Variants in SEC31A observed in about 807,000 individuals in gnomAD.
The protein encoded by SEC31A is protein transport protein Sec31A.
A neutral mutation model predicts 151.0 loss-of-function variants in SEC31A; 70 were observed. The ratio of observed to expected loss-of-function variants is 0.46; its 90% CI spans 0.38 to 0.57. The LOEUF (loss-of-function observed/expected upper bound fraction) is 0.57. SEC31A is among the 20% of genes least tolerant of loss of function. The pLI is 0.00. For synonymous variants in SEC31A, 475 were observed against 505.9 expected, an observed-to-expected ratio of 0.94 and a Z score of 0.82; for missense variants, 1,330 against 1,471.2, an observed-to-expected ratio of 0.90 and a Z score of 1.57.
intron 21 of SEC31A, among the ~76,000 whole-genome samples, chr4:82,843,172 CCAAACTGGAGTG>C (rs1729304715): frequency 6.6e-6 from 1 of 151,392 alleles, no homozygotes; most frequent in Admixed American, 6.6e-5. Context: ...GCTGTGTCAC[CCAAACTGGAGTG>C]CAATGGTGTG....
chr4:82,873,301 T>C (rs1440583863), intron 6 of SEC31A, among the ~76,000 whole-genome samples: 1 of 150,222 alleles, frequency 6.7e-6, no homozygotes, highest in Non-Finnish European at 1.5e-5. Context: ...GAGGTTGCAG[T>C]GCCATGATTG....
intron 20 of SEC31A, 61 bp downstream of exon 20, chr4:82,848,743 A>C: frequency 6.8e-7 from 1 of 1,471,246 alleles, no homozygotes; most frequent in South Asian, 1.3e-5. Context: ...AACAAATGAA[A>C]ACCACCAATT....
At chr4:82,898,409 T>C (rs1228293422) in intron 3 of SEC31A, among the ~76,000 whole-genome samples, 2 of 152,188 alleles carry the variant, frequency 1.3e-5, no homozygotes, top group Non-Finnish European at 2.9e-5. Flanking sequence ...CAGAAGTAAA[T>C]ATCTAGAGCA....
At position 82,827,563 on chromosome 4, in the gene SEC31A, A is replaced by T; in HGVS notation, c.3097T>A (p.Ser1033Thr). The change falls in exon 24 of 27, where the codon TCA becomes ACA. Residue 1033 changes from serine (S) to threonine (T), a missense_variant. By Grantham distance (58) the Ser-to-Thr change is moderately conservative. Coordinates refer to ENST00000395310, the MANE Select transcript of SEC31A (RefSeq NM_001077207.4). ...PIMNPLGDPQ[S>T]QMLQQQPSAP... ...GAAGGCTGTTGCTGCAGCATTTGTG[A>T]CTGGGGGTCACCCAACGGGTTCATG... 6.2e-7 allele frequency: 1 copy of T among 1,614,164 alleles called. No individual in the cohort carries two copies. The highest frequency in any genetic ancestry group is 8.5e-7 in the Non-Finnish European group (1 of 1,180,018).
chr4:82,874,524 T>G, intron 6 of SEC31A, 87 bp downstream of exon 6: 2 of 1,304,846 alleles, frequency 1.5e-6, no homozygotes, highest in Non-Finnish European at 2.1e-6. Flanking sequence ...TCACAGAAAT[T>G]TGATTTGTTG....
Position 82,861,905 on chromosome 4 carries a change from CTTTTTTTTTT to C in SEC31A, c.1549-207_1549-198del, listed in dbSNP as rs33968103. 124 of 89,686 alleles carry C rather than the reference CTTTTTTTTTT, an allele frequency of 1.4e-3. 1 individual carries two copies. The highest frequency in any genetic ancestry group is 4.5e-3 in the African/African-American group (99 of 22,054). 5.6% of individuals were successfully genotyped at this position (89,686 alleles called of 1,614,324 possible). A position where few individuals can be genotyped will look rare whatever the true frequency, so the allele number is the denominator to read the frequency against. The stretch of plus-strand genomic sequence containing the variant: ...CTATTACTGCTAACACTTTCCCATT[CTTTTTTTTTT>C]TTTTTTTTTTTTTTTTGAGACCGAG... On this transcript the variant is annotated intron_variant, in intron 13 of 26. Transcript: ENST00000395310.
At chr4:82,834,842 T>TTTTA (rs536673253) in intron 22 of SEC31A, among the ~76,000 whole-genome samples, 8 of 152,188 alleles carry the variant, frequency 5.3e-5, no homozygotes, top group East Asian at 1.9e-4. Context: ...TACTCAAGGA[T>TTTTA]TTTATTTATT....
At chr4:82,819,584 C>A (rs1182008439) in intron 26 of SEC31A, among the ~76,000 whole-genome samples, 1 of 152,108 alleles carries the variant, frequency 6.6e-6, no homozygotes, top group Non-Finnish European at 1.5e-5. Flanking sequence ...TTAAAAAATT[C>A]TCCTATGCAC....
chr4:82,891,444 G>C (rs1719749588), upstream of SEC31A, among the ~76,000 whole-genome samples: 1 of 152,228 alleles, frequency 6.6e-6, no homozygotes, highest in Non-Finnish European at 1.5e-5. Context: ...AGTGGGTAAA[G>C]GACTAGTGCA....
chr4:82,888,289 T>G (rs1258019925), intron 1 of SEC31A, among the ~76,000 whole-genome samples: 2 of 131,406 alleles, frequency 1.5e-5, no homozygotes, highest in East Asian at 4.7e-4. Flanking sequence ...GGCAGAAGAA[T>G]CGCTTGAACC....
At chr4:82,867,831 C>T (rs995912137) in intron 8 of SEC31A, among the ~76,000 whole-genome samples, 3 of 152,184 alleles carry the variant, frequency 2.0e-5, no homozygotes, top group African/African-American at 7.2e-5. Flanking sequence ...TGGCGTTTCA[C>T]CACGTTGGCC....
intron 1 of SEC31A, among the ~76,000 whole-genome samples, chr4:82,882,281 T>C (rs1428870847): frequency 6.6e-6 from 1 of 151,752 alleles, no homozygotes; most frequent in African/African-American, 2.4e-5. Flanking sequence ...CGGGCACCTG[T>C]AGTCCCAGCT....
chr4:82,827,691 T>A (rs2149002043), intron 23 of SEC31A, 59 bp from the exon 24 acceptor site: 1 of 1,559,420 alleles, frequency 6.4e-7, no homozygotes, highest in East Asian at 2.3e-5. Flanking sequence ...TAGCAACATT[T>A]CTTCAGCTTA....
Position 82,871,966 on chromosome 4 carries a change from GA to G in SEC31A, c.759del (p.Arg254ValfsTer24). On this transcript the variant is annotated frameshift_variant, in exon 7 of 27. Transcript: ENST00000395310. LOFTEE classifies it high-confidence loss of function. The stretch of plus-strand genomic sequence containing the variant: ...TACCTGGCATGGTTTTCCAGGACAC[GA>G]AGTGGAGAGGAAGCAAATCGAAGAT... The part of the protein sequence containing the change: ...MWDLRFASSP[L>X]RVLENHARGI... The G allele has an allele frequency of 6.2e-7, 1 of 1,614,116 alleles. No individual in the cohort carries two copies. Among genetic ancestry groups the G allele is most frequent in the Non-Finnish European group, 8.5e-7 (1 of 1,179,996 alleles).
intron 20 of SEC31A, 98 bp from the exon 21 acceptor site, chr4:82,844,607 T>A (rs1004807720): frequency 5.6e-6 from 7 of 1,253,416 alleles, no homozygotes; most frequent in African/African-American, 1.5e-5. Flanking sequence ...TATGTTTATT[T>A]AAAAAAAAAC....
intron 22 of SEC31A, among the ~76,000 whole-genome samples, chr4:82,830,377 T>C (rs1423848404): frequency 6.6e-6 from 1 of 152,208 alleles, no homozygotes; most frequent in African/African-American, 2.4e-5. Flanking sequence ...GGAGAATTGC[T>C]TGAACCTGGG....
At chr4:82,848,720 A>G in intron 20 of SEC31A, 84 bp downstream of exon 20, 1 of 1,143,762 alleles carries the variant, frequency 8.7e-7, no homozygotes, top group Non-Finnish European at 1.2e-6. Flanking sequence ...ATATCAGAGA[A>G]GGTCTCCTGC....
At chr4:82,855,559 T>C (rs182653860) in intron 16 of SEC31A, among the ~76,000 whole-genome samples, 10 of 152,272 alleles carry the variant, frequency 6.6e-5, no homozygotes, top group Admixed American at 2.0e-4. Context: ...TGAAAACTAA[T>C]TTCAATAAAA....
chr4:82,851,963 A>G (rs1235401022), intron 18 of SEC31A, among the ~76,000 whole-genome samples: 6 of 152,204 alleles, frequency 3.9e-5, no homozygotes, highest in Non-Finnish European at 7.3e-5. Context: ...TATGAGTGAA[A>G]ATATCTGATA....
Sources: allele counts gnomAD v4.1 joint callset (sites outside exome capture counted in the v4.1 genomes callset), GRCh38; gene constraint gnomAD v4.1.1; transcripts MANE v1.5; gene names NCBI Gene and HGNC (gene_info 2026-07-23, HGNC 2026-07-21).